The following PLXDC1 variants were observed in gnomAD, a reference collection of about 807,000 sequenced individuals.
PLXDC1 encodes plexin domain-containing protein 1.
PLXDC1 carries 39 observed loss-of-function variants against 61.3 expected under a neutral mutation model. The observed-to-expected ratio is 0.64, with a 90% confidence interval of 0.49 to 0.83. The LOEUF (loss-of-function observed/expected upper bound fraction) is 0.83, where lower values mean the gene tolerates loss of function less well. Ranked by LOEUF, PLXDC1 falls within the 40% of genes least tolerant of loss-of-function variation. The pLI is 0.00. For synonymous variants in PLXDC1, 212 were observed against 254.5 expected (o/e 0.83, Z 1.59); for missense variants, 596 against 666.5 (o/e 0.89, Z 1.17).
intron 2 of PLXDC1, among the ~76,000 whole-genome samples, chr17:39,136,242 C>T (rs1440247014): frequency 6.6e-6 from 1 of 152,114 alleles, no homozygotes; most frequent in Non-Finnish European, 1.5e-5. Context: ...TGAAGTTCCA[C>T]CTCAAACTAG....
intron 2 of PLXDC1, among the ~76,000 whole-genome samples, chr17:39,129,060 G>A (rs1911447565): frequency 6.6e-6 from 1 of 152,080 alleles, no homozygotes; most frequent in African/African-American, 2.4e-5. Flanking sequence ...GTGCACGCCT[G>A]TAATCCCAGC....
intron 7 of PLXDC1, among the ~76,000 whole-genome samples, chr17:39,100,578 C>G (rs62076657): frequency 0.26 from 39,796 of 152,190 alleles, 5,688 homozygotes; most frequent in Admixed American, 0.42. Flanking sequence ...TCAGTCGCAG[C>G]CTGTGAAAGA....
intron 2 of PLXDC1, among the ~76,000 whole-genome samples, chr17:39,116,836 G>A (rs930863545): frequency 5.9e-5 from 9 of 152,330 alleles, no homozygotes; most frequent in African/African-American, 1.7e-4. Flanking sequence ...TATAGCCACT[G>A]AGGCAGCATG....
At chr17:39,088,964 AG>A (rs1172021562) in intron 7 of PLXDC1, among the ~76,000 whole-genome samples, 24 of 109,898 alleles carry the variant, frequency 2.2e-4, no homozygotes, top group Admixed American at 6.8e-4. Flanking sequence ...AAAAAAAAAA[AG>A]AGAGAGAGAG....
intron 2 of PLXDC1, among the ~76,000 whole-genome samples, chr17:39,138,343 G>A (rs72823327): frequency 0.04 from 6,126 of 152,262 alleles, 154 homozygotes; most frequent in Non-Finnish European, 0.059. Flanking sequence ...GATCCAGGAA[G>A]AGCCAAAATC....
rs1333043483 is a variant in PLXDC1 at position 39,083,504 on chromosome 17, G to A, written c.944C>T (p.Ser315Phe). 1.2e-6 allele frequency: 2 copies of A among 1,613,866 alleles called. No homozygotes were observed. The highest frequency in any genetic ancestry group is 2.2e-5 in the East Asian group (1 of 44,862). ...LQHRSCDACM[S>F]SDLTFNCSWC... ...GCTGCAGTTGAAGGTCAGGTCTGAG[G>A]ACATGCAGGCGTCACAGCTCCTATG... is the stretch of plus-strand genomic sequence containing the variant. Residue 315 changes from serine to phenylalanine, a missense_variant, in exon 9 of 14, where the codon TCC becomes TTC. Physicochemically the swap from Ser to Phe is radical, Grantham distance 155. Transcript: ENST00000315392.
chr17:39,123,138 C>T (rs930661975), intron 2 of PLXDC1, among the ~76,000 whole-genome samples: 8 of 152,186 alleles, frequency 5.3e-5, no homozygotes, highest in African/African-American at 1.9e-4. Flanking sequence ...GGTTGGTGTC[C>T]AGCATTCCTC....
At chr17:39,087,455 G>A (rs979431311) in intron 8 of PLXDC1, 152 bp downstream of exon 8, 3 of 640,878 alleles carry the variant, frequency 4.7e-6, no homozygotes, top group Non-Finnish European at 8.4e-6. Flanking sequence ...TGGGAGGGAG[G>A]TGGCATCAGG....
chr17:39,138,654 G>T (rs576709690), intron 2 of PLXDC1, among the ~76,000 whole-genome samples: 1 of 151,960 alleles, frequency 6.6e-6, no homozygotes, highest in Non-Finnish European at 1.5e-5. Context: ...GAAAGGGAAG[G>T]GGGCAGGCCC....
chr17:39,152,668 C>G, upstream of PLXDC1: 16 of 1,234,892 alleles, frequency 1.3e-5, no homozygotes, highest in Non-Finnish European at 1.6e-5. Flanking sequence ...AGGGTGCGAA[C>G]GCTGAGCGCC....
intron 2 of PLXDC1, chr17:39,131,985 C>T (rs901404035): frequency 3.3e-5 from 5 of 152,592 alleles, no homozygotes; most frequent in Admixed American, 2.0e-4. Context: ...CAGGGTCCCT[C>T]GCATTCCTGG....
chr17:39,150,087 T>C (rs2338582), intron 1 of PLXDC1, among the ~76,000 whole-genome samples: 129,503 of 152,152 alleles, frequency 0.85, 55,655 homozygotes, highest in African/African-American at 0.96. Context: ...AAGTAACTTG[T>C]CTAAAGTCAC....
At chr17:39,083,053 C>T (rs1214414009) in intron 9 of PLXDC1, among the ~76,000 whole-genome samples, 1 of 152,182 alleles carries the variant, frequency 6.6e-6, no homozygotes, top group African/African-American at 2.4e-5. Context: ...TCTGAACTGG[C>T]AGTTCTCACA....
intron 1 of PLXDC1, among the ~76,000 whole-genome samples, chr17:39,147,247 C>T (rs552388622): frequency 2.0e-5 from 3 of 152,254 alleles, no homozygotes; most frequent in South Asian, 4.1e-4. Context: ...CGGGCCACCG[C>T]GCCCAGCCGA....
Position 39,109,301 on chromosome 17 carries a change from G to A in PLXDC1, c.346C>T (p.Arg116Trp), listed in dbSNP as rs923208747. 10 of 1,612,250 alleles carry A rather than the reference G, an allele frequency of 6.2e-6. No homozygotes were observed. Among genetic ancestry groups the A allele is most frequent in the African/African-American group, 1.3e-5 (1 of 74,762 alleles). The stretch of plus-strand genomic sequence containing the variant: ...ATTGTGTGGATCTTCACTTGGCTCC[G>A]GTTGGCCTCGGCCACATCTACCCAC... ...ELWVDVAEAN[R>W]SQVKIHTILS... Residue 116 changes from arginine to tryptophan, a missense_variant, in exon 3 of 14, where the codon CGG becomes TGG. Physicochemically the swap from Arg to Trp is moderately radical, Grantham distance 101 (BLOSUM62 -3). Coordinates refer to ENST00000315392, the MANE Select transcript of PLXDC1 (RefSeq NM_020405.5).
At chr17:39,120,590 T>C (rs1325709063) in intron 2 of PLXDC1, among the ~76,000 whole-genome samples, 1 of 146,876 alleles carries the variant, frequency 6.8e-6, no homozygotes, top group East Asian at 2.0e-4. Flanking sequence ...AAGTTTTCTA[T>C]TTTTATTTAT....
intron 1 of PLXDC1, among the ~76,000 whole-genome samples, chr17:39,148,003 C>T (rs11650037): frequency 0.059 from 8,942 of 152,032 alleles, 345 homozygotes; most frequent in Non-Finnish European, 0.087. Flanking sequence ...TGAGGAGGGT[C>T]CCCTTGAGCT....
At chr17:39,096,846 G>A (rs762329449) in intron 7 of PLXDC1, 13 of 454,280 alleles carry the variant, frequency 2.9e-5, no homozygotes, top group Middle Eastern at 6.6e-4. Flanking sequence ...ATTGACTTCC[G>A]GCGGTCTCCC....
At chr17:39,124,758 A>T (rs182725731) in intron 2 of PLXDC1, among the ~76,000 whole-genome samples, 1 of 152,318 alleles carries the variant, frequency 6.6e-6, no homozygotes, top group Admixed American at 6.5e-5. Flanking sequence ...TGCCTGCCTC[A>T]TCAGGTAGTT....
Sources: allele counts gnomAD v4.1 joint callset (sites outside exome capture counted in the v4.1 genomes callset), GRCh38; gene constraint gnomAD v4.1.1; transcripts MANE v1.5; gene names NCBI Gene and HGNC (gene_info 2026-07-23, HGNC 2026-07-21).